Variants in COG7 observed in about 807,000 individuals in gnomAD.
The protein encoded by COG7 is component of oligomeric golgi complex 7.
COG7 carries 49 observed loss-of-function variants against 91.5 expected under a neutral mutation model. The observed-to-expected ratio is 0.54, with a 90% CI of 0.43 to 0.68. The LOEUF (loss-of-function observed/expected upper bound fraction) is 0.68, where lower values mean the gene tolerates loss of function less well. Ranked by LOEUF, COG7 falls within the 30% of genes least tolerant of loss-of-function variation. The pLI is 0.00. For synonymous variants in COG7, 365 were observed against 388.7 expected (o/e 0.94, Z 0.72); for missense variants, 895 against 961.3 (o/e 0.93, Z 0.91).
chr16:23,410,808 T>A (rs1963550164), intron 10 of COG7, among the ~76,000 whole-genome samples: 1 of 152,130 alleles, frequency 6.6e-6, no homozygotes, highest in Non-Finnish European at 1.5e-5. Flanking sequence ...CAGGTTCAAG[T>A]GACTCTCCTG....
intron 6 of COG7, among the ~76,000 whole-genome samples, chr16:23,426,524 A>AT (rs1382961353): frequency 6.6e-6 from 1 of 152,136 alleles, no homozygotes; most frequent in Non-Finnish European, 1.5e-5. Flanking sequence ...TAAATCTCTA[A>AT]TTTTTTAAAA....
At chr16:23,419,818 T>A (rs1963724195) in intron 7 of COG7, among the ~76,000 whole-genome samples, 1 of 147,694 alleles carries the variant, frequency 6.8e-6, no homozygotes, top group African/African-American at 2.5e-5. Context: ...CCATGCCACA[T>A]GTTCCTAGGA....
Position 23,442,457 on chromosome 16 carries a change from G to A in COG7, c.604+20C>T, listed in dbSNP as rs767956320. On this transcript the variant is annotated intron_variant, in intron 4 of 16. Transcript: ENST00000307149. ...TTTATAGAGAGATATACACAGAGAT[G>A]AGAAGCAGCTAGCACTCACCTACAG... The A allele has an allele frequency of 2.5e-6, 4 of 1,612,096 alleles. No individual in the cohort carries two copies. Among genetic ancestry groups the A allele is most frequent in the African/African-American group, 1.3e-5 (1 of 74,858 alleles).
At chr16:23,413,737 C>T in intron 9 of COG7, 173 bp from the exon 10 acceptor site, 1 of 584,196 alleles carries the variant, frequency 1.7e-6, no homozygotes, top group Non-Finnish European at 3.1e-6. Flanking sequence ...AAGTTCTTCT[C>T]TATGTGGCAA....
At chr16:23,434,797 T>C (rs1963989569) in intron 4 of COG7, 79 bp from the exon 5 acceptor site, 1 of 897,592 alleles carries the variant, frequency 1.1e-6, no homozygotes, top group Non-Finnish European at 1.9e-6. Flanking sequence ...AGGATGAAGG[T>C]GGATATATGG....
At chr16:23,390,506 C>T (rs1016642854) in intron 16 of COG7, among the ~76,000 whole-genome samples, 2 of 152,044 alleles carry the variant, frequency 1.3e-5, no homozygotes, top group Non-Finnish European at 2.9e-5. Flanking sequence ...GCTCAGTGCC[C>T]CCCCACCGGC....
intron 3 of COG7, among the ~76,000 whole-genome samples, chr16:23,443,188 A>C (rs1334664157): frequency 6.6e-6 from 1 of 152,218 alleles, no homozygotes; most frequent in Non-Finnish European, 1.5e-5. Context: ...TGGTATCATA[A>C]ATTTAAATTT....
At chr16:23,448,679 C>A (rs1303356981) in intron 1 of COG7, among the ~76,000 whole-genome samples, 1 of 152,160 alleles carries the variant, frequency 6.6e-6, no homozygotes, top group African/African-American at 2.4e-5. Context: ...CACTCCTGTG[C>A]ATATGTTACT....
chr16:23,398,068 G>A lies in COG7; in HGVS notation c.1865C>T (p.Thr622Ile). The A allele has an allele frequency of 6.2e-7, 1 of 1,614,196 alleles. No homozygotes were observed. Among genetic ancestry groups the A allele is most frequent in the South Asian group, 1.1e-5 (1 of 91,080 alleles). The change falls in exon 14 of 17, where the codon ACC (threonine) becomes ATC (isoleucine). Residue 622 changes from threonine to isoleucine, a missense_variant. Physicochemically the swap from Thr to Ile is moderately conservative, Grantham distance 89. Transcript: ENST00000307149. ...TACGTTGCTGATGTACTCGAGAGGG[G>A]TGAGACTAAAGGCGGGCAGTTCATC... ...LTDELPAFSLTPLEYISNIGQ... is the reference protein window; with the variant it reads ...LTDELPAFSLIPLEYISNIGQ...
chr16:23,430,289 TGTG>T (rs1464865020), intron 6 of COG7, among the ~76,000 whole-genome samples: 2 of 151,924 alleles, frequency 1.3e-5, no homozygotes, highest in African/African-American at 4.8e-5. Context: ...ATTAGTTGGG[TGTG>T]GTGGCACGCA....
At chr16:23,392,260 C>A in intron 16 of COG7, 120 bp downstream of exon 16, 1 of 1,543,802 alleles carries the variant, frequency 6.5e-7, no homozygotes, top group Non-Finnish European at 8.7e-7. Flanking sequence ...GCTTCAGAGC[C>A]AAATCCACAG....
intron 6 of COG7, among the ~76,000 whole-genome samples, chr16:23,426,033 G>A (rs919284404): frequency 3.3e-5 from 5 of 151,966 alleles, no homozygotes; most frequent in African/African-American, 1.2e-4. Context: ...GACCAACATG[G>A]TCAAACCCCG....
At chr16:23,404,262 C>CA (rs899362248) in intron 12 of COG7, among the ~76,000 whole-genome samples, 4 of 152,192 alleles carry the variant, frequency 2.6e-5, no homozygotes, top group African/African-American at 9.7e-5. Context: ...GAGGTCAGGT[C>CA]AAATATACTT....
chr16:23,429,764 CA>C (rs949757845), intron 6 of COG7, among the ~76,000 whole-genome samples: 18 of 145,812 alleles, frequency 1.2e-4, no homozygotes, highest in South Asian at 4.3e-4. Flanking sequence ...AACTCCGTCT[CA>C]AAAAAAAAAG....
chr16:23,439,713 CT>C (rs1964070521), intron 4 of COG7, among the ~76,000 whole-genome samples: 1 of 152,108 alleles, frequency 6.6e-6, no homozygotes, highest in Non-Finnish European at 1.5e-5. Context: ...TGGACAGTTG[CT>C]GTTTAATGCG....
At chr16:23,390,761 C>T (rs899463535) in intron 16 of COG7, among the ~76,000 whole-genome samples, 2 of 152,194 alleles carry the variant, frequency 1.3e-5, no homozygotes, top group Non-Finnish European at 2.9e-5. Flanking sequence ...TCTTTTTAGG[C>T]CCCACTCAGG....
At chr16:23,418,009 G>A (rs1490861221) in intron 8 of COG7, among the ~76,000 whole-genome samples, 3 of 152,136 alleles carry the variant, frequency 2.0e-5, no homozygotes, top group African/African-American at 7.2e-5. Context: ...AATGGCCTCA[G>A]TTCCACCCCT....
intron 6 of COG7, among the ~76,000 whole-genome samples, chr16:23,429,628 G>A (rs1963902965): frequency 6.6e-6 from 1 of 152,100 alleles, no homozygotes. Flanking sequence ...GCTGGGCATG[G>A]TGGTGTGTGC....
chr16:23,403,281 C>T (rs1963407000), intron 13 of COG7, among the ~76,000 whole-genome samples: 1 of 152,212 alleles, frequency 6.6e-6, no homozygotes, highest in Admixed American at 6.5e-5. Flanking sequence ...AAGTTCAATT[C>T]TGATAAGGTA....
Sources: gnomAD v4.1 joint callset for allele counts (sites outside exome capture counted in the v4.1 genomes callset) on GRCh38, gnomAD v4.1.1 for gene constraint, MANE v1.5 for transcripts, NCBI Gene and HGNC (gene_info 2026-07-23, HGNC 2026-07-21) for gene names.